Variants in KCNB2 observed in about 807,000 individuals in gnomAD.
KCNB2 encodes potassium voltage-gated channel subfamily B member 2.
In KCNB2, 15 loss-of-function variants were observed where a neutral mutation model predicts 61.5. The observed-to-expected ratio is 0.24, with a 90% CI of 0.16 to 0.38. The LOEUF (loss-of-function observed/expected upper bound fraction) is 0.38. Ranked by LOEUF, KCNB2 falls within the 10% of genes least tolerant of loss-of-function variation. The pLI is 1.00. For synonymous variants in KCNB2, 457 were observed against 446.0 expected (o/e 1.02, Z -0.31); for missense variants, 828 against 1,125.2 (o/e 0.74, Z 3.78).
chr8:72,709,107 C>T (rs1028797550), intron 2 of KCNB2, among the ~76,000 whole-genome samples: 2 of 152,136 alleles, frequency 1.3e-5, no homozygotes, highest in Non-Finnish European at 2.9e-5. Flanking sequence ...ATTTACTTCC[C>T]CTTTACATAT....
At chr8:72,631,460 C>T (rs1805881031) in intron 2 of KCNB2, among the ~76,000 whole-genome samples, 1 of 152,190 alleles carries the variant, frequency 6.6e-6, no homozygotes, top group Admixed American at 6.5e-5. Context: ...ACATGGTGTT[C>T]TTGCTGTTTG....
intron 2 of KCNB2, among the ~76,000 whole-genome samples, chr8:72,612,095 C>T (rs1396764118): frequency 6.6e-6 from 1 of 152,112 alleles, no homozygotes; most frequent in African/African-American, 2.4e-5. Context: ...GCAGTATATC[C>T]CATGCAATCA....
intron 2 of KCNB2, among the ~76,000 whole-genome samples, chr8:72,602,996 A>AAG (rs1410813594): frequency 6.6e-6 from 1 of 151,826 alleles, no homozygotes; most frequent in Admixed American, 6.6e-5. Flanking sequence ...ATACAAACCT[A>AAG]ATGTACACTT....
intron 2 of KCNB2, among the ~76,000 whole-genome samples, chr8:72,601,828 T>C (rs980210132): frequency 6.6e-6 from 1 of 152,136 alleles, no homozygotes; most frequent in African/African-American, 2.4e-5. Context: ...CCATTGACAA[T>C]ATCACCCAAG....
chr8:72,722,868 T>C (rs1807574286), intron 2 of KCNB2, among the ~76,000 whole-genome samples: 1 of 152,220 alleles, frequency 6.6e-6, no homozygotes. Flanking sequence ...TGGAGAATGC[T>C]AGATTTTGTA....
intron 2 of KCNB2, among the ~76,000 whole-genome samples, chr8:72,930,979 G>A: frequency 6.6e-6 from 1 of 152,198 alleles, no homozygotes; most frequent in Non-Finnish European, 1.5e-5. Context: ...TTTGTATAAG[G>A]TGTAAGGAAG....
chr8:72,882,556 A>AGAGAGAGAGAGAGAGAGAGAGAGAGAG (rs10691208), intron 2 of KCNB2, among the ~76,000 whole-genome samples: 29 of 142,820 alleles, frequency 2.0e-4, no homozygotes, highest in African/African-American at 2.9e-4. Flanking sequence ...AGAGAGAGAG[A>AGAGAGAGAGAGAGAGAGAGAGAGAGAG]ATGTGTGTCT....
chr8:72,825,907 C>T lies in KCNB2; in HGVS notation c.580-110028C>T, dbSNP rs75137166. Among the ~76,000 whole-genome samples the T allele has an allele frequency of 1.7e-3, 264 of 152,148 alleles. 1 individual carries two copies. Among genetic ancestry groups the T allele is most frequent in the African/African-American group, 6.0e-3 (250 of 41,508 alleles). ...ATAAGCTTTTAATTTTGATATAGTC[C>T]AATGTATCTATTTTTCATTTTGTTG... On this transcript the variant is annotated intron_variant, in intron 2 of 2. Transcript: ENST00000523207.
chr8:72,851,826 G>GAAAAAAAAAAAAAAAAAAAAAAAAAAA (rs55696554), intron 2 of KCNB2, among the ~76,000 whole-genome samples: 2 of 43,866 alleles, frequency 4.6e-5, no homozygotes, highest in African/African-American at 1.9e-4. Context: ...GAAGCTGTAG[G>GAAAAAAAAAAAAAAAAAAAAAAAAAAA]AAAAAAAAAA....
chr8:72,731,433 A>G (rs1243586769), intron 2 of KCNB2, among the ~76,000 whole-genome samples: 1 of 152,248 alleles, frequency 6.6e-6, no homozygotes, highest in Admixed American at 6.5e-5. Flanking sequence ...TATGTTAAAC[A>G]TGGAAGTATC....
chr8:72,840,887 T>G (rs2129002581), intron 2 of KCNB2, among the ~76,000 whole-genome samples: 1 of 152,316 alleles, frequency 6.6e-6, no homozygotes, highest in African/African-American at 2.4e-5. Context: ...TATTTTGCTG[T>G]ACGGAAGCTC....
intron 2 of KCNB2, among the ~76,000 whole-genome samples, chr8:72,848,600 G>A (rs1810040904): frequency 6.6e-6 from 1 of 152,144 alleles, no homozygotes; most frequent in Non-Finnish European, 1.5e-5. Context: ...ACAGTTTGCA[G>A]ATGGGTCCAG....
intron 2 of KCNB2, among the ~76,000 whole-genome samples, chr8:72,744,026 T>C (rs1563577354): frequency 6.6e-6 from 1 of 152,160 alleles, no homozygotes; most frequent in Non-Finnish European, 1.5e-5. Flanking sequence ...GGGGGCTTTA[T>C]GCTTCCAGAG....
At position 72,937,092 on chromosome 8, in the gene KCNB2, G is replaced by C. The variant is rs772942106; in HGVS notation, c.1737G>C (p.Val579=). The C allele has an allele frequency of 1.2e-6, 2 of 1,614,106 alleles. No homozygotes were observed. The highest frequency in any genetic ancestry group is 1.1e-5 in the South Asian group (1 of 91,064). The change falls in exon 3 of 3, where the codon GTG becomes GTC. Residue 579 remains valine (V), a synonymous_variant. Coordinates refer to ENST00000523207, the MANE Select transcript of KCNB2 (RefSeq NM_004770.3). Reference sequence around the variant, plus strand: ...AAGAAGAGATTGAAATGGAAGAAGTGGTGTGTCCACAGGAGCAGCTGGCCG... The same window carrying C: ...AAGAAGAGATTGAAATGGAAGAAGTCGTGTGTCCACAGGAGCAGCTGGCCG... ...AYEEEIEMEE[V]VCPQEQLAVA... is the part of the protein sequence containing the mutation.
chr8:72,809,527 A>G (rs1035610985), intron 2 of KCNB2, among the ~76,000 whole-genome samples: 1 of 152,242 alleles, frequency 6.6e-6, no homozygotes, highest in Non-Finnish European at 1.5e-5. Context: ...TGATTAGCTC[A>G]GGGACATTGG....
chr8:72,615,280 C>G (rs1241155429), intron 2 of KCNB2, among the ~76,000 whole-genome samples: 1 of 152,180 alleles, frequency 6.6e-6, no homozygotes, highest in Non-Finnish European at 1.5e-5. Flanking sequence ...GAGAATGAAA[C>G]AAGATGTTGT....
rs552223823 is a variant in KCNB2 at position 72,745,892 on chromosome 8, A to G, written c.579+177579A>G. Among the ~76,000 whole-genome samples, 3 of 152,250 alleles carry G rather than the reference A, an allele frequency of 2.0e-5. No individual in the cohort carries two copies. The South Asian group carries it at 6.2e-4, about 32-fold the overall frequency. On this transcript the variant is annotated intron_variant, in intron 2 of 2. Transcript: ENST00000523207. ...TCAGGCACCGGCTCAGAGGCCCACCATGAATAACAAAGACACTCTTATCAC... is the reference window on the plus strand; with the variant it reads ...TCAGGCACCGGCTCAGAGGCCCACCGTGAATAACAAAGACACTCTTATCAC...
At chr8:72,737,539 C>A (rs1235624580) in intron 2 of KCNB2, among the ~76,000 whole-genome samples, 1 of 152,132 alleles carries the variant, frequency 6.6e-6, no homozygotes, top group East Asian at 1.9e-4. Flanking sequence ...TAGTACATAG[C>A]CAGATTCAAT....
At chr8:72,790,441 T>C (rs1020778451) in intron 2 of KCNB2, among the ~76,000 whole-genome samples, 4 of 152,204 alleles carry the variant, frequency 2.6e-5, no homozygotes, top group Non-Finnish European at 5.9e-5. Context: ...ATTTTTTAAA[T>C]GTCCACTGAA....
Sources: allele counts gnomAD v4.1 joint callset (sites outside exome capture counted in the v4.1 genomes callset), GRCh38; gene constraint gnomAD v4.1.1; transcripts MANE v1.5; gene names NCBI Gene and HGNC (gene_info 2026-07-23, HGNC 2026-07-21).